The following CD101 variants were observed in gnomAD, a reference collection of about 807,000 sequenced individuals.
CD101 encodes the protein CD101 molecule, also known as immunoglobulin superfamily member 2.
CD101 carries 76 observed loss-of-function variants against 98.2 expected under a neutral mutation model. That is an observed-to-expected ratio of 0.77 (90% CI 0.64 to 0.94). The LOEUF is 0.94. CD101 is among the 40% of genes least tolerant of loss of function. CD101 has a pLI of 0.00. For synonymous variants in CD101, 471 were observed against 472.7 expected (o/e 1.00, Z 0.05); for missense variants, 1,145 against 1,218.8 (o/e 0.94, Z 0.90).
rs1654591820 is a variant in CD101, at chr1:117,033,447, T to G, written c.2825-413T>G. Among the ~76,000 whole-genome samples, 2 of 151,834 alleles carry G rather than the reference T, an allele frequency of 1.3e-5. No individual in the cohort carries two copies. The highest frequency in any genetic ancestry group is 1.3e-4 in the Admixed American group (2 of 15,252). ...GTGTGTGAGAAAGAGTGTGTGCCTGTGTGTTGGAGGAGCAGCAGTGGGAAT... is the reference window on the plus strand; with the variant it reads ...GTGTGTGAGAAAGAGTGTGTGCCTGGGTGTTGGAGGAGCAGCAGTGGGAAT... On this transcript the variant is annotated intron_variant, in intron 8 of 9. Coordinates refer to ENST00000682167, the MANE Select transcript of CD101 (RefSeq NM_001256106.3). This position sits in a 1 kb window ranked among gnomAD's most constrained non-coding sequence, Gnocchi z 4.8.
intron 9 of CD101, among the ~76,000 whole-genome samples, chr1:117,035,200 A>C (rs976371085): frequency 2.6e-5 from 4 of 151,880 alleles, no homozygotes; most frequent in African/African-American, 9.7e-5. Context: ...CCAGAATTGG[A>C]AATCAATCAG....
At position 117,013,598 on chromosome 1, in the gene CD101, C is replaced by G; in HGVS notation, c.1034C>G (p.Ala345Gly). The G allele has an allele frequency of 6.2e-7, 1 of 1,614,126 alleles. No individual in the cohort carries two copies. The highest frequency in any genetic ancestry group is 8.5e-7 in the Non-Finnish European group (1 of 1,180,018). ...LGLKNDYKER[A>G]SQGELQVSKL... ...CTGAAGAATGACTACAAAGAGAGAG[C>G]AAGTCAAGGAGAGCTCCAGGTTTCA... The change falls in exon 4 of 10, where the codon GCA becomes GGA. Residue 345 changes from alanine to glycine, a missense_variant. Ala to Gly is a moderately conservative substitution (Grantham distance 60). Transcript: ENST00000682167.
chr1:117,027,993 G>A (rs1654066495), intron 8 of CD101, among the ~76,000 whole-genome samples: 1 of 152,160 alleles, frequency 6.6e-6, no homozygotes, highest in South Asian at 2.1e-4. Context: ...GCTGAGGCAG[G>A]AGAATCGCTT....
intron 4 of CD101, among the ~76,000 whole-genome samples, chr1:117,014,684 T>G (rs539056791): frequency 5.3e-5 from 8 of 152,258 alleles, no homozygotes; most frequent in African/African-American, 1.9e-4. Context: ...AAAAAATTTT[T>G]TTTAATGTTT....
At position 117,033,958 on chromosome 1, in the gene CD101, C is replaced by G. The variant is rs770803249; in HGVS notation, c.2923C>G (p.Leu975Val). The change falls in exon 9 of 10, where the codon CTC becomes GTC. Residue 975 changes from leucine to valine, a missense_variant. By Grantham distance (32) the Leu-to-Val change is conservative. Coordinates refer to ENST00000682167, the MANE Select transcript of CD101 (RefSeq NM_001256106.3). This position sits in a 1 kb window ranked among gnomAD's most constrained non-coding sequence, Gnocchi z 4.8. ...VLLLLLLISL[L>V]CLYWKARKLS... ...GCTCCTCCTTCTGCTCATCTCCCTC[C>G]TCTGCTTATACTGGAAGGCCAGGAA... 1 of 1,614,130 alleles carries G rather than the reference C, an allele frequency of 6.2e-7. No homozygotes were observed. Among genetic ancestry groups the G allele is most frequent in the Non-Finnish European group, 8.5e-7 (1 of 1,180,030 alleles).
chr1:117,032,485 CA>C (rs1172343563), intron 8 of CD101: 1 of 152,204 alleles, frequency 6.6e-6, no homozygotes, highest in African/African-American at 2.4e-5. Context: ...GATTCGTCGG[CA>C]ATGCCAAAAA....
At chr1:117,029,160 A>AAAG (rs765066631) in intron 8 of CD101, among the ~76,000 whole-genome samples, 28 of 104,974 alleles carry the variant, frequency 2.7e-4, no homozygotes, top group Non-Finnish European at 4.7e-4. Context: ...AGAAAGAAAG[A>AAAG]AAGAAAGAAA....
chr1:117,008,525 T>C (rs1427329093), intron 1 of CD101, among the ~76,000 whole-genome samples: 1 of 152,168 alleles, frequency 6.6e-6, no homozygotes, highest in East Asian at 1.9e-4. Context: ...TGGGCATTGG[T>C]TGGTTTCCCA....
At position 117,025,839 on chromosome 1, in the gene CD101, C is replaced by A; in HGVS notation, c.2759C>A (p.Pro920Gln). Reference sequence around the variant, plus strand: ...GCAGAGTGGCAGCTCCATGGACACCCAAGCAAGTGGATTAATCAAGCATCC... The same window carrying A: ...GCAGAGTGGCAGCTCCATGGACACCAAAGCAAGTGGATTAATCAAGCATCC... Reference protein sequence around the residue: ...RVAEWQLHGHPSKWINQASDE... With the variant: ...RVAEWQLHGHQSKWINQASDE... Residue 920 changes from proline (P) to glutamine (Q), a missense_variant, in exon 8 of 10, where the codon CCA becomes CAA. By Grantham distance (76) the Pro-to-Gln change is moderately conservative. Transcript: ENST00000682167. 1 of 1,614,068 alleles carries A rather than the reference C, an allele frequency of 6.2e-7. No homozygotes were observed. Among genetic ancestry groups the A allele is most frequent in the Non-Finnish European group, 8.5e-7 (1 of 1,179,978 alleles).
intron 1 of CD101, among the ~76,000 whole-genome samples, chr1:117,002,342 G>T (rs1652276622): frequency 6.6e-6 from 1 of 152,242 alleles, no homozygotes; most frequent in Non-Finnish European, 1.5e-5. Flanking sequence ...GATTTCACCT[G>T]CGAGTGGAAG....
intron 8 of CD101, 21 bp downstream of exon 8, chr1:117,025,925 C>T (rs369688691): frequency 2.5e-5 from 40 of 1,585,108 alleles, no homozygotes; most frequent in Middle Eastern, 1.7e-4. Context: ...GTTTATCTAC[C>T]GCGAGCTCAT....
rs763490017 is a variant in CD101, at chr1:117,013,803, T to C, written c.1228+11T>C. 6.2e-7 allele frequency: 1 copy of C among 1,602,296 alleles called. No homozygotes were observed. The highest frequency in any genetic ancestry group is 1.7e-5 in the Admixed American group (1 of 58,822). ...TGAGGAAGCCAGCAGGTACGTAAAG[T>C]CAAGGCCAGGCATGCATTGGGCTGC... is the stretch of plus-strand genomic sequence containing the variant. On this transcript the variant is annotated intron_variant, in intron 4 of 9. Transcript: ENST00000682167.
Position 117,013,680 on chromosome 1 carries a change from A to G in CD101, c.1116A>G (p.Glu372=), listed in dbSNP as rs146552866. ...TCTTCTCTCTGGGCCCAGAGGATGA[A>G]GGCGCCTACAGATGTGTGGTAGCAG... ...LKIFSLGPED[E]GAYRCVVAEV... Residue 372 remains glutamate, a synonymous_variant, in exon 4 of 10, where the codon GAA becomes GAG. Transcript: ENST00000682167. 3 of 1,614,100 alleles carry G rather than the reference A, an allele frequency of 1.9e-6. No homozygotes were observed. In the East Asian group the frequency reaches 6.7e-5, roughly 36 times the overall value.
chr1:117,030,443 GAGAAAGAAAGAAA>G, intron 8 of CD101, among the ~76,000 whole-genome samples: 1 of 150,410 alleles, frequency 6.6e-6, no homozygotes, highest in South Asian at 2.1e-4. Context: ...AAGAAAGAAA[GAGAAAGAAAGAAA>G]AGAAAGAAAA....
chr1:117,024,589 C>A (rs1420336124), intron 7 of CD101, among the ~76,000 whole-genome samples: 1 of 152,178 alleles, frequency 6.6e-6, no homozygotes, highest in African/African-American at 2.4e-5. Context: ...TTTGTAACTA[C>A]TTTGGCTGTT....
Position 117,036,050 on chromosome 1 carries a change from C to T in CD101, c.*34-118C>T, listed in dbSNP as rs769620498. 1 of 152,454 alleles carries T rather than the reference C, an allele frequency of 6.6e-6. No individual in the cohort carries two copies. The highest frequency in any genetic ancestry group is 1.5e-5 in the Non-Finnish European group (1 of 68,266). 9.4% of individuals were successfully genotyped at this position (152,454 alleles called of 1,614,324 possible). On this transcript the variant is annotated intron_variant, in intron 9 of 9. Transcript: ENST00000682167. The surrounding 1 kb of genome is among the most constrained non-coding windows in gnomAD (Gnocchi z 5.0). ...ACCTCCTTCAAGCTTCTAGCTCAAA[C>T]ACCTCTTCCCCTTTTGAATCCAGCA... is the stretch of plus-strand genomic sequence containing the variant.
chr1:117,030,173 G>A (rs1654356695), intron 8 of CD101, among the ~76,000 whole-genome samples: 1 of 152,134 alleles, frequency 6.6e-6, no homozygotes, highest in African/African-American at 2.4e-5. Flanking sequence ...GGGAGGCTGA[G>A]GTGGGAGGAT....
In CD101 at chr1:117,029,214, AAAGAAAGAAAG is replaced by A. The variant is rs1557779007; in HGVS notation, c.2824+3313_2824+3323del. Among the ~76,000 whole-genome samples the A allele has an allele frequency of 2.8e-3, 63 of 22,704 alleles. 1 individual carries two copies. The highest frequency in any genetic ancestry group is 2.8e-3 in the Non-Finnish European group (38 of 13,362). The allele number at this position is 22,704 out of a possible 152,430, so 14.9% of individuals were successfully genotyped here. A position where few individuals can be genotyped will look rare whatever the true frequency, so the allele number is the denominator to read the frequency against. ...AAGAAAGAAAGAAAGAAAAGAAAGA[AAAGAAAGAAAG>A]AAAGAAAGAAAGAAAGAAAGAAAGA... On this transcript the variant is annotated intron_variant, in intron 8 of 9. Coordinates refer to ENST00000682167, the MANE Select transcript of CD101 (RefSeq NM_001256106.3).
chr1:117,025,356 CTG>C (rs1653840199), intron 7 of CD101, 151 bp from the exon 8 acceptor site: 1 of 621,112 alleles, frequency 1.6e-6, no homozygotes, highest in East Asian at 3.2e-5. Context: ...GAGCAAGACT[CTG>C]TCTCAAAAAA....
Sources: gnomAD v4.1 joint callset for allele counts (sites outside exome capture counted in the v4.1 genomes callset) on GRCh38, gnomAD v4.1.1 for gene constraint, Gnocchi (gnomAD v3.1) non-coding constraint, MANE v1.5 for transcripts, NCBI Gene and HGNC (gene_info 2026-07-23, HGNC 2026-07-21) for gene names.